Variants in AMPH observed in about 807,000 individuals in gnomAD.
AMPH encodes amphiphysin.
In AMPH, 49 loss-of-function variants were observed where a neutral mutation model predicts 99.1. The observed-to-expected ratio is 0.49, with a 90% CI of 0.39 to 0.63. The LOEUF (loss-of-function observed/expected upper bound fraction) is 0.63. AMPH is among the 20% of genes least tolerant of loss of function. AMPH has a pLI of 0.00. For synonymous variants in AMPH, 314 were observed against 317.3 expected (o/e 0.99, Z 0.11); for missense variants, 759 against 863.4 (o/e 0.88, Z 1.52).
intron 2 of AMPH, among the ~76,000 whole-genome samples, chr7:38,505,226 C>T (rs371119522): frequency 3.9e-4 from 59 of 152,292 alleles, no homozygotes; most frequent in East Asian, 7.7e-4. Flanking sequence ...CTATGCTTGA[C>T]GGCAAAAGGG....
chr7:38,598,277 GT>G (rs1288427046), intron 1 of AMPH, among the ~76,000 whole-genome samples: 1 of 151,724 alleles, frequency 6.6e-6, no homozygotes, highest in African/African-American at 2.4e-5. Flanking sequence ...TTCTTTTGTT[GT>G]TGTTGTTGTT....
chr7:38,392,030 A>T lies in AMPH; in HGVS notation c.1609-13T>A. 6.2e-7 allele frequency: 1 copy of T among 1,601,754 alleles called. No individual in the cohort carries two copies. Among genetic ancestry groups the T allele is most frequent in the Non-Finnish European group, 8.5e-7 (1 of 1,179,630 alleles). On this transcript the variant is annotated splice_polypyrimidine_tract_variant and intron_variant, in intron 18 of 20. Transcript: ENST00000356264. ...GAATGACCTTCTCCTGGGGGAAGAAAAACCGTGGCGATGCCCGGCAGGGCC... is the reference window on the plus strand; with the variant it reads ...GAATGACCTTCTCCTGGGGGAAGAATAACCGTGGCGATGCCCGGCAGGGCC...
intron 1 of AMPH, among the ~76,000 whole-genome samples, chr7:38,586,184 T>A (rs1018876070): frequency 1.3e-5 from 2 of 152,176 alleles, no homozygotes; most frequent in Non-Finnish European, 2.9e-5. Context: ...AAAATTTTCA[T>A]CGTGGAAATT....
intron 1 of AMPH, among the ~76,000 whole-genome samples, chr7:38,609,600 A>C (rs1481343171): frequency 6.6e-6 from 1 of 152,212 alleles, no homozygotes; most frequent in Non-Finnish European, 1.5e-5. Flanking sequence ...GGACCGAACC[A>C]AGAGGTGCTA....
intron 1 of AMPH, among the ~76,000 whole-genome samples, chr7:38,629,604 C>CA (rs2129074159): frequency 6.6e-6 from 1 of 152,296 alleles, no homozygotes; most frequent in Non-Finnish European, 1.5e-5. Context: ...AGAAATAATT[C>CA]AATATGTGAA....
At chr7:38,448,162 C>T (rs904755424) in intron 11 of AMPH, among the ~76,000 whole-genome samples, 4 of 152,110 alleles carry the variant, frequency 2.6e-5, no homozygotes, top group Admixed American at 6.5e-5. Flanking sequence ...AGTTTACCTT[C>T]GTGGTTAGAA....
chr7:38,435,333 T>C (rs943543901), intron 12 of AMPH, among the ~76,000 whole-genome samples: 1 of 152,212 alleles, frequency 6.6e-6, no homozygotes, highest in Non-Finnish European at 1.5e-5. Context: ...GAGCCATTTA[T>C]TCCCTAGCAG....
chr7:38,595,534 C>G (rs967044354), intron 1 of AMPH, among the ~76,000 whole-genome samples: 1 of 152,162 alleles, frequency 6.6e-6, no homozygotes, highest in Non-Finnish European at 1.5e-5. Context: ...GGACAAATAT[C>G]AATCAGGGTG....
chr7:38,418,953 T>C (rs867738569), intron 16 of AMPH, among the ~76,000 whole-genome samples: 1 of 152,056 alleles, frequency 6.6e-6, no homozygotes, highest in East Asian at 1.9e-4. Context: ...CTACAAATAC[T>C]GAAAATATTC....
chr7:38,517,382 T>C (rs1019801898), intron 2 of AMPH, among the ~76,000 whole-genome samples: 17 of 152,214 alleles, frequency 1.1e-4, no homozygotes, highest in Admixed American at 1.0e-3. Context: ...TGTTTAAAAG[T>C]ATAAAGCACT....
intron 16 of AMPH, among the ~76,000 whole-genome samples, chr7:38,418,376 G>A (rs1385497903): frequency 6.6e-6 from 1 of 152,142 alleles, no homozygotes; most frequent in African/African-American, 2.4e-5. Context: ...AGGATTCTAG[G>A]AGGACCCACA....
intron 1 of AMPH, among the ~76,000 whole-genome samples, chr7:38,598,924 T>A (rs892162047): frequency 1.3e-5 from 2 of 152,146 alleles, no homozygotes; most frequent in African/African-American, 4.8e-5. Flanking sequence ...AATTTTATCT[T>A]TTCCTGTATA....
At chr7:38,543,285 C>T (rs1029466157) in intron 1 of AMPH, among the ~76,000 whole-genome samples, 1 of 152,000 alleles carries the variant, frequency 6.6e-6, no homozygotes, top group Admixed American at 6.6e-5. Flanking sequence ...AAAACGCTGA[C>T]CTGCTGTACA....
rs1417250264 is a variant in AMPH, at chr7:38,473,427, G to A, written c.590+1904C>T. 2.4e-4 allele frequency among the ~76,000 whole-genome samples: 16 copies of A among 66,270 alleles called. 4 individuals are homozygous for A. The highest frequency in any genetic ancestry group is 3.9e-4 in the Non-Finnish European group (14 of 35,708). The allele number at this position is 66,270 out of a possible 152,430, so 43.5% of individuals were successfully genotyped here. On this transcript the variant is annotated intron_variant, in intron 7 of 20. Transcript: ENST00000356264. ...TGGATAAAAGTATTCCATGAAGGCC[G>A]GGCGCGGTGGCTCACGCCTGTAATC...
chr7:38,557,885 C>A (rs1220300573), intron 1 of AMPH, among the ~76,000 whole-genome samples: 1 of 151,858 alleles, frequency 6.6e-6, no homozygotes, highest in African/African-American at 2.4e-5. Context: ...AAAACCCAGT[C>A]TCTACTAAAA....
intron 1 of AMPH, among the ~76,000 whole-genome samples, chr7:38,549,300 G>C (rs1379025331): frequency 1.3e-5 from 2 of 152,138 alleles, no homozygotes; most frequent in Non-Finnish European, 2.9e-5. Context: ...GAGAATGCAA[G>C]GCAATCACAA....
At chr7:38,474,503 C>A (rs1313385964) in intron 7 of AMPH, among the ~76,000 whole-genome samples, 2 of 152,028 alleles carry the variant, frequency 1.3e-5, no homozygotes, top group Non-Finnish European at 1.5e-5. Context: ...TTAGTATAGA[C>A]CCTCAAAATG....
At chr7:38,440,726 T>C in intron 11 of AMPH, among the ~76,000 whole-genome samples, 1 of 152,034 alleles carries the variant, frequency 6.6e-6, no homozygotes. Context: ...TGTGATAAAT[T>C]AAAATGTACA....
intron 1 of AMPH, among the ~76,000 whole-genome samples, chr7:38,552,023 C>A (rs2196678): frequency 0.61 from 92,400 of 152,090 alleles, 29,660 homozygotes; most frequent in African/African-American, 0.82. Context: ...AAAAAGTGTA[C>A]ATTTAAATAA....
Sources: allele counts gnomAD v4.1 joint callset (sites outside exome capture counted in the v4.1 genomes callset), GRCh38; gene constraint gnomAD v4.1.1; transcripts MANE v1.5; gene names NCBI Gene and HGNC (gene_info 2026-07-23, HGNC 2026-07-21).